The following SHISA6 variants were observed in gnomAD, a reference collection of about 807,000 sequenced individuals.
The protein encoded by SHISA6 is protein shisa-6.
Under a neutral mutation model 47.9 loss-of-function variants are expected in SHISA6, and 22 were observed. The ratio of observed to expected loss-of-function variants is 0.46; its 90% CI spans 0.33 to 0.66. SHISA6 has a LOEUF of 0.66. Ranked by LOEUF, SHISA6 falls within the 30% of genes least tolerant of loss-of-function variation. SHISA6 has a pLI of 0.02. For synonymous variants in SHISA6, 388 were observed against 337.8 expected, an observed-to-expected ratio of 1.15 and a Z score of -1.63; for missense variants, 680 against 764.6, an observed-to-expected ratio of 0.89 and a Z score of 1.30.
At chr17:11,431,136 C>T (rs1914760677) in intron 3 of SHISA6, among the ~76,000 whole-genome samples, 1 of 152,202 alleles carries the variant, frequency 6.6e-6, no homozygotes, top group Non-Finnish European at 1.5e-5. Flanking sequence ...ACGGGATTCT[C>T]TTCTCATGTC....
At chr17:11,524,796 G>A (rs904106932) in intron 3 of SHISA6, among the ~76,000 whole-genome samples, 1 of 152,118 alleles carries the variant, frequency 6.6e-6, no homozygotes, top group Non-Finnish European at 1.5e-5. Flanking sequence ...ACTGCGCCCG[G>A]TCTATTTCTC....
intron 1 of SHISA6, among the ~76,000 whole-genome samples, chr17:11,245,124 T>TG (rs1907526288): frequency 6.6e-6 from 1 of 152,200 alleles, no homozygotes; most frequent in Admixed American, 6.5e-5. Context: ...TCAGTGTCTG[T>TG]GGGGGAAACC....
chr17:11,385,623 G>C (rs189828296), intron 3 of SHISA6, among the ~76,000 whole-genome samples: 4 of 152,156 alleles, frequency 2.6e-5, no homozygotes, highest in African/African-American at 9.7e-5. Flanking sequence ...GGATAGAAGG[G>C]TAGGAGTTTC....
intron 4 of SHISA6, among the ~76,000 whole-genome samples, chr17:11,552,272 C>T (rs1163610702): frequency 6.6e-6 from 1 of 152,218 alleles, no homozygotes; most frequent in Non-Finnish European, 1.5e-5. Flanking sequence ...AGGAGTGGAA[C>T]ACCCTCCTTT....
rs577836346 is a variant in SHISA6, at chr17:11,501,050, G to C, written c.896-50846G>C. On this transcript the variant is annotated intron_variant, in intron 3 of 5. Coordinates refer to ENST00000441885, the MANE Select transcript of SHISA6 (RefSeq NM_207386.4). The stretch of plus-strand genomic sequence containing the variant: ...GAATACATAGCCTGTAAGTGGACTT[G>C]AACTCAGATCTGTTTGACTTCAGAG... Among the ~76,000 whole-genome samples, 3 of 152,066 alleles carry C rather than the reference G, an allele frequency of 2.0e-5. No individual in the cohort carries two copies. The South Asian group carries it at 6.2e-4, about 32-fold the overall frequency.
chr17:11,505,716 A>T (rs2071493262), intron 3 of SHISA6, among the ~76,000 whole-genome samples: 1 of 152,230 alleles, frequency 6.6e-6, no homozygotes, highest in South Asian at 2.1e-4. Flanking sequence ...TAAGTCCCAG[A>T]TGCATCCTAA....
At chr17:11,416,105 C>A (rs956137624) in intron 3 of SHISA6, among the ~76,000 whole-genome samples, 5 of 152,200 alleles carry the variant, frequency 3.3e-5, no homozygotes, top group Admixed American at 2.6e-4. Flanking sequence ...ACCTTCATGA[C>A]TTAATTATGT....
chr17:11,555,536 G>A (rs1421096497), intron 4 of SHISA6, among the ~76,000 whole-genome samples: 2 of 151,922 alleles, frequency 1.3e-5, no homozygotes, highest in African/African-American at 4.8e-5. Flanking sequence ...AACTGTCTTG[G>A]TGGTGGCTAA....
intron 3 of SHISA6, among the ~76,000 whole-genome samples, chr17:11,456,305 A>G (rs1915531644): frequency 2.0e-5 from 3 of 152,154 alleles, no homozygotes; most frequent in Admixed American, 2.0e-4. Flanking sequence ...GGAGGGAGCC[A>G]TTTTGCTCAC....
At chr17:11,323,391 A>G (rs1910773085) in intron 2 of SHISA6, among the ~76,000 whole-genome samples, 1 of 152,176 alleles carries the variant, frequency 6.6e-6, no homozygotes, top group Non-Finnish European at 1.5e-5. Context: ...ACGGTGGCTC[A>G]CACCTGTAAT....
chr17:11,543,927 CAAA>C (rs1216952313), intron 3 of SHISA6, among the ~76,000 whole-genome samples: 1 of 109,900 alleles, frequency 9.1e-6, no homozygotes, highest in Admixed American at 8.9e-5. Context: ...AAAAAAAAAA[CAAA>C]AAAAAGAACT....
intron 3 of SHISA6, among the ~76,000 whole-genome samples, chr17:11,473,515 G>A (rs563362961): frequency 1.3e-5 from 2 of 152,058 alleles, no homozygotes; most frequent in Non-Finnish European, 2.9e-5. Context: ...GCAAGAGGGG[G>A]CCAAAATCTA....
chr17:11,258,267 A>G (rs1308361451), intron 1 of SHISA6, among the ~76,000 whole-genome samples: 1 of 152,236 alleles, frequency 6.6e-6, no homozygotes, highest in Non-Finnish European at 1.5e-5. Flanking sequence ...TTACTGAATA[A>G]TAGCTGAGCT....
chr17:11,376,701 T>A (rs1912813898), intron 2 of SHISA6, among the ~76,000 whole-genome samples: 1 of 152,168 alleles, frequency 6.6e-6, no homozygotes, highest in Admixed American at 6.5e-5. Context: ...CTACAGAGAA[T>A]GCAGATCATT....
chr17:11,346,213 GT>G (rs1911695905), intron 2 of SHISA6, among the ~76,000 whole-genome samples: 1 of 152,120 alleles, frequency 6.6e-6, no homozygotes, highest in East Asian at 1.9e-4. Context: ...AATCATATGG[GT>G]TTTTTGTTGT....
Position 11,254,993 on chromosome 17 carries a change from G to A in SHISA6, c.639-8373G>A, listed in dbSNP as rs187966873. ...AATTCAGATGCAACTTAAAGATCTG[G>A]TTTCTTCTGGGAAGTTCTTTGGTCT... On this transcript the variant is annotated intron_variant, in intron 1 of 5. Coordinates refer to ENST00000441885, the MANE Select transcript of SHISA6 (RefSeq NM_207386.4). Among the ~76,000 whole-genome samples, 505 of 152,318 alleles carry A rather than the reference G, an allele frequency of 3.3e-3. 3 individuals carry two copies. Among genetic ancestry groups the A allele is most frequent in the Admixed American group, 5.0e-3 (76 of 15,302 alleles).
chr17:11,380,548 A>T (rs574367059), intron 3 of SHISA6: 2 of 152,222 alleles, frequency 1.3e-5, no homozygotes. Flanking sequence ...ACATTTACTC[A>T]CTAAAAGATA....
intron 3 of SHISA6, among the ~76,000 whole-genome samples, chr17:11,452,404 T>C (rs1915424230): frequency 3.3e-5 from 5 of 152,148 alleles, no homozygotes; most frequent in Admixed American, 3.3e-4. Context: ...TTAATGGCAA[T>C]GGTAGATTGT....
intron 3 of SHISA6, among the ~76,000 whole-genome samples, chr17:11,445,663 G>T (rs1915207857): frequency 6.6e-6 from 1 of 152,168 alleles, no homozygotes; most frequent in South Asian, 2.1e-4. Context: ...GTGATGCCGA[G>T]ATCTGAAAGA....
Sources: gnomAD v4.1 joint callset for allele counts (sites outside exome capture counted in the v4.1 genomes callset) on GRCh38, gnomAD v4.1.1 for gene constraint, MANE v1.5 for transcripts, NCBI Gene and HGNC (gene_info 2026-07-23, HGNC 2026-07-21) for gene names.